GRIA2: variants seen among roughly 807,000 people sequenced by gnomAD.
The protein encoded by GRIA2 is glutamate ionotropic receptor AMPA type subunit 2, also known as glutamate receptor 2.
In GRIA2, 14 loss-of-function variants were observed where a neutral mutation model predicts 97.3. The ratio of observed to expected loss-of-function variants is 0.14; its 90% CI spans 0.10 to 0.23. The LOEUF (loss-of-function observed/expected upper bound fraction) is 0.23, where lower values mean the gene tolerates loss of function less well. Among genes scored for constraint, GRIA2 ranks in the 10% least tolerant of loss-of-function variants. The pLI is 1.00. For missense variants in GRIA2, 558 were observed against 1,069.8 expected (o/e 0.52, Z 6.67); for synonymous variants, 412 against 387.8 (o/e 1.06, Z -0.73).
Position 157,220,837 on chromosome 4 carries a change from G to A in GRIA2, c.-206G>A. 1 of 579,530 alleles carries A rather than the reference G, an allele frequency of 1.7e-6. No individual in the cohort carries two copies. The highest frequency in any genetic ancestry group is 3.1e-5 in the Admixed American group (1 of 32,752). The allele number at this position is 579,530 out of a possible 1,614,324, so 35.9% of individuals were successfully genotyped here. On this transcript the variant is annotated 5_prime_UTR_variant, in exon 1 of 16. Coordinates refer to ENST00000264426, the MANE Select transcript of GRIA2 (RefSeq NM_001083619.3). ...CCAGTCCTCCGGACTTCTGGAGCGG[G>A]GACAGGGCGCAGGGCATCAGCAGCC...
chr4:157,259,032 G>A (rs534804225), intron 2 of GRIA2, among the ~76,000 whole-genome samples: 44 of 151,860 alleles, frequency 2.9e-4, no homozygotes, highest in Admixed American at 8.5e-4. Flanking sequence ...GACCAGCCTG[G>A]GTAATATGGC....
chr4:157,221,683 G>A lies in GRIA2; in HGVS notation c.105G>A (p.Arg35=), dbSNP rs1729501956. The change falls in exon 2 of 16, where the codon AGG becomes AGA. Residue 35 remains arginine, a synonymous_variant. Coordinates refer to ENST00000264426, the MANE Select transcript of GRIA2 (RefSeq NM_001083619.3). ...NSIQIGGLFP[R]GADQEYSAFR... ...TCTTTGCAGGGGGGCTATTTCCTAG[G>A]GGCGCCGATCAAGAATACAGTGCAT... is the stretch of plus-strand genomic sequence containing the variant. The A allele has an allele frequency of 1.2e-5, 20 of 1,613,968 alleles. No homozygotes were observed. Among genetic ancestry groups the A allele is most frequent in the Non-Finnish European group, 1.7e-5 (20 of 1,179,978 alleles).
chr4:157,287,989 C>T (rs1471112901), intron 2 of GRIA2, among the ~76,000 whole-genome samples: 2 of 151,538 alleles, frequency 1.3e-5, no homozygotes, highest in African/African-American at 4.8e-5. Flanking sequence ...TTGAGCCAGT[C>T]AGATTGCTCA....
At chr4:157,285,734 T>A (rs1289233175) in intron 2 of GRIA2, among the ~76,000 whole-genome samples, 2 of 151,590 alleles carry the variant, frequency 1.3e-5, no homozygotes, top group East Asian at 3.9e-4. Context: ...ACTGGTGTAA[T>A]AGTTGAAAGT....
chr4:157,229,249 G>GTTTGTTTTCTAACGAT (rs1181197167), intron 2 of GRIA2, among the ~76,000 whole-genome samples: 1 of 152,024 alleles, frequency 6.6e-6, no homozygotes, highest in African/African-American at 2.4e-5. Context: ...TATGTTTCGG[G>GTTTGTTTTCTAACGAT]TTTGTTTTCT....
At chr4:157,328,212 T>A (rs1434559304) in intron 6 of GRIA2, among the ~76,000 whole-genome samples, 2 of 152,096 alleles carry the variant, frequency 1.3e-5, no homozygotes, top group Non-Finnish European at 2.9e-5. Flanking sequence ...TCTCACATCT[T>A]ATTTTCATAT....
intron 2 of GRIA2, chr4:157,249,626 A>G (rs773662576): frequency 1.3e-5 from 2 of 152,182 alleles, no homozygotes; most frequent in African/African-American, 2.4e-5. Context: ...GGATACAGAA[A>G]GTACTCACTG....
chr4:157,344,663 T>C (rs915476059), intron 12 of GRIA2, among the ~76,000 whole-genome samples: 1 of 152,156 alleles, frequency 6.6e-6, no homozygotes, highest in Admixed American at 6.6e-5. Context: ...GATAGCTTTT[T>C]CCTTTTTATA....
intron 2 of GRIA2, among the ~76,000 whole-genome samples, chr4:157,299,344 T>C (rs1304712542): frequency 6.6e-6 from 1 of 152,086 alleles, no homozygotes; most frequent in Non-Finnish European, 1.5e-5. Context: ...TTTCCATATT[T>C]TGATGTCAGA....
intron 4 of GRIA2, among the ~76,000 whole-genome samples, chr4:157,314,538 CA>C (rs1227136995): frequency 6.6e-6 from 1 of 152,066 alleles, no homozygotes; most frequent in Non-Finnish European, 1.5e-5. Context: ...CTCAAAAATG[CA>C]TTTGAATTTC....
At position 157,344,567 on chromosome 4, in the gene GRIA2, C is replaced by CAAT. The variant is rs141444620; in HGVS notation, c.2043+3110_2043+3112dup. Among the ~76,000 whole-genome samples the CAAT allele has an allele frequency of 5.0e-3, 766 of 152,194 alleles. 4 individuals are homozygous for CAAT. Among genetic ancestry groups the CAAT allele is most frequent in the Non-Finnish European group, 9.4e-3 (637 of 67,978 alleles). On this transcript the variant is annotated intron_variant, in intron 12 of 15. Coordinates refer to ENST00000264426, the MANE Select transcript of GRIA2 (RefSeq NM_001083619.3). ...CTAGTAAAATAGCAGATTACACATGCAATAATACACTTTTACCACTTGCTA... is the reference window on the plus strand; with the variant it reads ...CTAGTAAAATAGCAGATTACACATGCAATAATAATACACTTTTACCACTTGCTA...
chr4:157,351,159 T>G (rs957350723), intron 12 of GRIA2, among the ~76,000 whole-genome samples: 5 of 152,262 alleles, frequency 3.3e-5, no homozygotes, highest in Non-Finnish European at 5.9e-5. Context: ...ATCAATGTTC[T>G]TTAAATATGA....
intron 2 of GRIA2, among the ~76,000 whole-genome samples, chr4:157,265,705 G>A (rs746991440): frequency 3.0e-4 from 45 of 152,082 alleles, no homozygotes; most frequent in Non-Finnish European, 4.3e-4. Flanking sequence ...TGCCACAGCC[G>A]GAATACGGAA....
chr4:157,276,257 A>T (rs1231255753), intron 2 of GRIA2, among the ~76,000 whole-genome samples: 1 of 152,162 alleles, frequency 6.6e-6, no homozygotes, highest in Non-Finnish European at 1.5e-5. Context: ...ATCCCCAAAT[A>T]GTTGTATATT....
At chr4:157,352,699 GAC>G (rs1347600310) in intron 12 of GRIA2, among the ~76,000 whole-genome samples, 1 of 128,586 alleles carries the variant, frequency 7.8e-6, no homozygotes, top group Non-Finnish European at 1.6e-5. Flanking sequence ...CAGCCTAGGC[GAC>G]AGAGTAAGAC....
At chr4:157,287,689 G>A (rs1732906580) in intron 2 of GRIA2, among the ~76,000 whole-genome samples, 1 of 151,574 alleles carries the variant, frequency 6.6e-6, no homozygotes, top group African/African-American at 2.4e-5. Flanking sequence ...ACTCAGAGCA[G>A]AGTCGAGTAA....
At chr4:157,224,504 C>A (rs1372319097) in intron 2 of GRIA2, among the ~76,000 whole-genome samples, 1 of 152,032 alleles carries the variant, frequency 6.6e-6, no homozygotes, top group East Asian at 1.9e-4. Flanking sequence ...TTAGAGATTG[C>A]AAAATGAAAT....
chr4:157,254,493 G>A (rs577215510), intron 2 of GRIA2, among the ~76,000 whole-genome samples: 38 of 151,984 alleles, frequency 2.5e-4, no homozygotes, highest in South Asian at 8.3e-4. Flanking sequence ...TCTATAGTCC[G>A]GAAAGAGCCC....
intron 2 of GRIA2, among the ~76,000 whole-genome samples, chr4:157,231,152 C>T (rs539437043): frequency 1.3e-5 from 2 of 152,224 alleles, no homozygotes; most frequent in East Asian, 1.9e-4. Context: ...AGTTTTCCTG[C>T]GTCAGCCTCC....
Sources: gnomAD v4.1 joint callset for allele counts (sites outside exome capture counted in the v4.1 genomes callset) on GRCh38, gnomAD v4.1.1 for gene constraint, MANE v1.5 for transcripts, NCBI Gene and HGNC (gene_info 2026-07-23, HGNC 2026-07-21) for gene names.